The following KDM4A variants were observed in gnomAD, a reference collection of about 807,000 sequenced individuals.
The protein encoded by KDM4A is lysine-specific demethylase 4A.
KDM4A carries 23 observed loss-of-function variants against 127.1 expected under a neutral mutation model. That is an observed-to-expected ratio of 0.18 (90% CI 0.13 to 0.26). The LOEUF (loss-of-function observed/expected upper bound fraction) is 0.26, where lower values mean the gene tolerates loss of function less well. Ranked by LOEUF, KDM4A falls within the 10% of genes least tolerant of loss-of-function variation. The probability of loss-of-function intolerance (pLI) is 1.00; values close to 1 mark genes in which losing one functional copy is unlikely to be tolerated. For missense variants in KDM4A, 890 were observed against 1,329.1 expected (o/e 0.67, Z 5.14); for synonymous variants, 443 against 466.5 (o/e 0.95, Z 0.65).
rs1660617632 is a variant in KDM4A, at chr1:43,671,560, A to G, written c.1419A>G (p.Glu473=). 6.2e-7 allele frequency: 1 copy of G among 1,600,900 alleles called. No homozygotes were observed. Among genetic ancestry groups the G allele is most frequent in the African/African-American group, 1.4e-5 (1 of 73,994 alleles). ...AAGAGCTTAAAAATGTCAAACTAGA[A>G]GAGGAGGATGAGGAGGAAGAACAAG... is the stretch of plus-strand genomic sequence containing the variant. The part of the protein sequence containing the change: ...KFEELKNVKL[E]EEDEEEEQAA... Residue 473 remains glutamate, a synonymous_variant, in exon 11 of 22, where the codon GAA becomes GAG. Coordinates refer to ENST00000372396, the MANE Select transcript of KDM4A (RefSeq NM_014663.3).
intron 16 of KDM4A, among the ~76,000 whole-genome samples, chr1:43,692,701 A>G (rs1383862674): frequency 6.6e-6 from 1 of 152,180 alleles, no homozygotes; most frequent in Non-Finnish European, 1.5e-5. Context: ...TCCACATGGC[A>G]AACTCCCTGG....
chr1:43,662,814 T>C (rs1570821278), intron 4 of KDM4A, 80 bp from the exon 5 acceptor site: 2 of 1,213,988 alleles, frequency 1.6e-6, no homozygotes, highest in Admixed American at 2.3e-5. Flanking sequence ...AGCTTACTTG[T>C]GACCTACTCT....
intron 5 of KDM4A, 103 bp from the exon 6 acceptor site, chr1:43,665,593 A>G (rs1300336826): frequency 9.5e-7 from 1 of 1,057,434 alleles, no homozygotes; most frequent in Non-Finnish European, 1.4e-6. Context: ...TGGGAAGTTA[A>G]AAAAAAAATC....
chr1:43,677,431 C>A (rs939233943), intron 11 of KDM4A, among the ~76,000 whole-genome samples: 3 of 151,360 alleles, frequency 2.0e-5, no homozygotes, highest in Non-Finnish European at 4.4e-5. Context: ...TACAAAAATT[C>A]TTTAGCATAA....
At chr1:43,660,255 AC>A in intron 3 of KDM4A, 42 bp from the exon 4 acceptor site, 4 of 1,599,740 alleles carry the variant, frequency 2.5e-6, no homozygotes, top group Non-Finnish European at 3.4e-6. Context: ...TGCCTAATAA[AC>A]CCCTGTAAGT....
At chr1:43,664,143 AGGT>A (rs1234689307) in intron 5 of KDM4A, among the ~76,000 whole-genome samples, 7 of 152,172 alleles carry the variant, frequency 4.6e-5, no homozygotes, top group Non-Finnish European at 1.0e-4. Context: ...TCTTTCAAAG[AGGT>A]GACAAGTGAG....
In KDM4A at chr1:43,686,884, A is replaced by G. The variant is rs138097857; in HGVS notation, c.1856-2030A>G. Among the ~76,000 whole-genome samples the G allele has an allele frequency of 1.0e-3, 159 of 152,338 alleles. 1 individual carries two copies. Among genetic ancestry groups the G allele is most frequent in the Middle Eastern group, 3.4e-3 (1 of 294 alleles). On this transcript the variant is annotated intron_variant, in intron 12 of 21. Coordinates refer to ENST00000372396, the MANE Select transcript of KDM4A (RefSeq NM_014663.3). ...AGCTCAATGAAATTTTACATATGTA[A>G]ACTGTATAATTTTGCTTCCTGCAAT...
At position 43,655,746 on chromosome 1, in the gene KDM4A, C is replaced by T. The variant is rs750967449; in HGVS notation, c.294C>T (p.Arg98=). 6.2e-7 allele frequency: 1 copy of T among 1,611,476 alleles called. No homozygotes were observed. Among genetic ancestry groups the T allele is most frequent in the South Asian group, 1.1e-5 (1 of 90,588 alleles). ...AAGCCATGACTGTTCGAGAGTTCCGCAAGATAGCCAATAGCGATAAGTGAG... is the reference window on the plus strand; with the variant it reads ...AAGCCATGACTGTTCGAGAGTTCCGTAAGATAGCCAATAGCGATAAGTGAG... ...QKKAMTVREF[R]KIANSDKYCT... The change falls in exon 3 of 22, where the codon CGC becomes CGT. Residue 98 remains arginine (R), a synonymous_variant. Coordinates refer to ENST00000372396, the MANE Select transcript of KDM4A (RefSeq NM_014663.3).
Position 43,688,895 on chromosome 1 carries a change from CTTCTG to C in KDM4A, c.1856-16_1856-12del. 6.2e-7 allele frequency: 1 copy of C among 1,612,092 alleles called. No individual in the cohort carries two copies. ...TGTGCAGGGTTAGTGCTGACTCACACTTCTGTTTCCTCCTCTAGAGACATCTGAAC... is the reference window on the plus strand; with the variant it reads ...TGTGCAGGGTTAGTGCTGACTCACACTTTCCTCCTCTAGAGACATCTGAAC... On this transcript the variant is annotated splice_polypyrimidine_tract_variant and intron_variant, in intron 12 of 21. Transcript: ENST00000372396. The surrounding 1 kb of genome is among the most constrained non-coding windows in gnomAD (Gnocchi z 4.4).
Position 43,694,209 on chromosome 1 carries a change from A to C in KDM4A, c.2484+107A>C, listed in dbSNP as rs544271119. On this transcript the variant is annotated intron_variant, in intron 17 of 21. Transcript: ENST00000372396. This position sits in a 1 kb window ranked among gnomAD's most constrained non-coding sequence, Gnocchi z 5.2. ...GTTTTGGTTAGAGTTTGTGATTCTC[A>C]CTCTGTGGTTAGATTCCTTAGTGGA... The C allele has an allele frequency of 2.3e-6, 2 of 856,978 alleles. No individual in the cohort carries two copies. The highest frequency in any genetic ancestry group is 3.4e-5 in the African/African-American group (2 of 58,946). The allele number at this position is 856,978 out of a possible 1,614,324, so 53.1% of individuals were successfully genotyped here.
In KDM4A at chr1:43,700,286, G is replaced by T. The variant is rs189953738; in HGVS notation, c.2841+2273G>T. 9.3e-4 allele frequency among the ~76,000 whole-genome samples: 140 copies of T among 151,112 alleles called. 1 individual carries two copies. In the Middle Eastern group the frequency reaches 0.014, roughly 15 times the overall value. On this transcript the variant is annotated intron_variant, in intron 19 of 21. Coordinates refer to ENST00000372396, the MANE Select transcript of KDM4A (RefSeq NM_014663.3). Reference sequence around the variant, plus strand: ...GGGACTACAGGCCCTTGTCACTGGCGCCCAGCTAATTTTTTAATTTTTTGT... The same window carrying T: ...GGGACTACAGGCCCTTGTCACTGGCTCCCAGCTAATTTTTTAATTTTTTGT...
intron 5 of KDM4A, 62 bp downstream of exon 5, chr1:43,663,149 T>A: frequency 6.9e-7 from 1 of 1,450,828 alleles, no homozygotes; most frequent in Non-Finnish European, 9.5e-7. Context: ...ATGTTCATTG[T>A]GCGTGGGAAG....
intron 18 of KDM4A, among the ~76,000 whole-genome samples, chr1:43,696,321 G>T (rs1055434942): frequency 6.6e-6 from 1 of 152,206 alleles, no homozygotes; most frequent in African/African-American, 2.4e-5. Flanking sequence ...TCTGCCATGA[G>T]TGAGTTACAA....
At chr1:43,674,421 A>G (rs1232918916) in intron 11 of KDM4A, among the ~76,000 whole-genome samples, 2 of 152,164 alleles carry the variant, frequency 1.3e-5, no homozygotes, top group East Asian at 3.8e-4. Flanking sequence ...TGATGATACA[A>G]GAGTCAGGCA....
intron 20 of KDM4A, 132 bp downstream of exon 20, chr1:43,703,868 C>T: frequency 7.3e-7 from 1 of 1,371,670 alleles, no homozygotes; most frequent in Non-Finnish European, 1.0e-6. Context: ...TAGGGGTCTG[C>T]CCTGTTTCCA....
At position 43,671,661 on chromosome 1, in the gene KDM4A, AATC is replaced by A; in HGVS notation, c.1524_1526del (p.Ser511del). On this transcript the variant is annotated inframe_deletion, in exon 11 of 22. Coordinates refer to ENST00000372396, the MANE Select transcript of KDM4A (RefSeq NM_014663.3). ...CTTGTCTTCTCAGGCTCCAAAAAGA[AATC>A]ATCTTCTAGCCTGGGCTCTGGCTCT... The A allele has an allele frequency of 1.2e-6, 2 of 1,613,152 alleles. No homozygotes were observed. The highest frequency in any genetic ancestry group is 1.7e-6 in the Non-Finnish European group (2 of 1,179,608).
intron 6 of KDM4A, 199 bp from the exon 7 acceptor site, chr1:43,666,253 G>T: frequency 1.9e-6 from 1 of 539,984 alleles, no homozygotes; most frequent in Non-Finnish European, 3.2e-6. Flanking sequence ...CATTACCCAC[G>T]TAATGCCCTA....
intron 18 of KDM4A, 32 bp from the exon 19 acceptor site, chr1:43,697,809 CGT>C (rs1661277826): frequency 1.0e-5 from 16 of 1,599,132 alleles, no homozygotes; most frequent in African/African-American, 1.3e-5. Context: ...GCAAACTCCA[CGT>C]GTGAGTAACC....
chr1:43,653,048 A>G lies in KDM4A; in HGVS notation c.-39-89A>G, dbSNP rs543398046. On this transcript the variant is annotated intron_variant, in intron 1 of 21. Transcript: ENST00000372396. The stretch of plus-strand genomic sequence containing the variant: ...TCTTAACTGTGTCTTTTGAATTTCT[A>G]TATTATCTTTTACTGTTTTCAGAGT... 244 of 683,498 alleles carry G rather than the reference A, an allele frequency of 3.6e-4. 5 individuals carry two copies. In the South Asian group the frequency reaches 8.1e-3, roughly 23 times the overall value. The allele number at this position is 683,498 out of a possible 1,614,324, so 42.3% of individuals were successfully genotyped here. A position where few individuals can be genotyped will look rare whatever the true frequency, so the allele number is the denominator to read the frequency against.
Sources: allele counts gnomAD v4.1 joint callset (sites outside exome capture counted in the v4.1 genomes callset), GRCh38; gene constraint gnomAD v4.1.1; non-coding constraint Gnocchi (gnomAD v3.1); transcripts MANE v1.5; gene names NCBI Gene and HGNC (gene_info 2026-07-23, HGNC 2026-07-21).